The following MROH1 variants were observed in gnomAD, a reference collection of about 807,000 sequenced individuals.
The protein encoded by MROH1 is maestro heat like repeat family member 1.
In MROH1, 117 loss-of-function variants were observed where a neutral mutation model predicts 116.5. The observed-to-expected ratio is 1.00, with a 90% confidence interval of 0.86 to 1.17. The LOEUF (loss-of-function observed/expected upper bound fraction) is 1.17, where lower values mean the gene tolerates loss of function less well. Among genes scored for constraint, MROH1 ranks in the 50% most tolerant of loss-of-function variants. MROH1 has a pLI of 0.00. For synonymous variants in MROH1, 921 were observed against 583.9 expected (o/e 1.58, Z -8.32); for missense variants, 1,873 against 1,338.5 (o/e 1.40, Z -6.23).
chr8:144,173,292 G>C (rs146648425), intron 4 of MROH1, among the ~76,000 whole-genome samples: 1 of 151,798 alleles, frequency 6.6e-6, no homozygotes, highest in Non-Finnish European at 1.5e-5. Context: ...AGTTTTAGTA[G>C]AGATTGGGTT....
intron 4 of MROH1, 82 bp downstream of exon 4, chr8:144,168,522 G>A (rs1279770794): frequency 1.3e-6 from 2 of 1,503,934 alleles, no homozygotes; most frequent in Non-Finnish European, 1.8e-6. Context: ...AGACAGTCCA[G>A]CCAGGAGCAG....
chr8:144,200,331 T>C, intron 11 of MROH1, 97 bp from the exon 12 acceptor site: 1 of 965,892 alleles, frequency 1.0e-6, no homozygotes, highest in East Asian at 2.7e-5. Context: ...ACAGCAACTC[T>C]CCTCTGGCTC....
chr8:144,229,267 C>T (rs1241061070), intron 14 of MROH1, among the ~76,000 whole-genome samples: 6 of 152,126 alleles, frequency 3.9e-5, no homozygotes, highest in Admixed American at 6.6e-5. Context: ...ATCACAAATG[C>T]TCTTCATGGT....
chr8:144,254,047 C>T (rs1192019805), intron 33 of MROH1, among the ~76,000 whole-genome samples: 1 of 152,148 alleles, frequency 6.6e-6, no homozygotes, highest in Non-Finnish European at 1.5e-5. Context: ...GCCATTGTTT[C>T]CTCTGCCTCT....
At chr8:144,221,706 T>C (rs1836780126) in intron 13 of MROH1, among the ~76,000 whole-genome samples, 3 of 152,050 alleles carry the variant, frequency 2.0e-5, no homozygotes, top group Admixed American at 6.6e-5. Context: ...TTTTGGTCCT[T>C]TTGGACACCA....
intron 10 of MROH1, among the ~76,000 whole-genome samples, chr8:144,195,195 T>TAAA (rs561902621): frequency 0.021 from 242 of 11,682 alleles, 64 homozygotes; most frequent in Non-Finnish European, 0.027. Flanking sequence ...ACTGTGTCTT[T>TAAA]AAAAAAAAAA....
intron 32 of MROH1, among the ~76,000 whole-genome samples, chr8:144,249,852 CA>C (rs1280661697): frequency 4.6e-5 from 7 of 152,214 alleles, no homozygotes; most frequent in African/African-American, 1.7e-4. Context: ...GTGGGCCTGC[CA>C]GGGGAGCCTG....
intron 18 of MROH1, among the ~76,000 whole-genome samples, 168 bp downstream of exon 18, chr8:144,239,923 C>T (rs1840682025): frequency 6.6e-6 from 1 of 152,112 alleles, no homozygotes; most frequent in Admixed American, 6.5e-5. Flanking sequence ...CAAGAAAGGC[C>T]CCAGATGACC....
intron 9 of MROH1, among the ~76,000 whole-genome samples, 182 bp from the exon 10 acceptor site, chr8:144,192,127 C>G (rs530212750): frequency 6.6e-6 from 1 of 152,254 alleles, no homozygotes; most frequent in South Asian, 2.1e-4. Flanking sequence ...CCCTCCCCAC[C>G]CTCCTCCCTG....
At chr8:144,173,423 ATT>A (rs374807019) in intron 4 of MROH1, among the ~76,000 whole-genome samples, 10 of 10,924 alleles carry the variant, frequency 9.2e-4, no homozygotes, top group African/African-American at 2.5e-3. Flanking sequence ...TTTTATTTTT[ATT>A]TTATTTTTTT....
rs367590354 is a variant in MROH1 at position 144,165,125 on chromosome 8, A to ATTT, written c.22+1289_22+1291dup. 1.0e-3 allele frequency among the ~76,000 whole-genome samples: 151 copies of ATTT among 145,920 alleles called. 1 individual carries two copies. The highest frequency in any genetic ancestry group is 6.9e-3 in the Middle Eastern group (2 of 288). On this transcript the variant is annotated intron_variant, in intron 3 of 43. Coordinates refer to ENST00000326134, the MANE Select transcript of MROH1 (RefSeq NM_032450.3). ...AGGCATGTGCCATCACACCCAGCTA[A>ATTT]TTTTTTTTTTTTTTGAGATGGAGTC...
intron 18 of MROH1, 123 bp from the exon 19 acceptor site, chr8:144,239,978 T>TGGGGGGCA: frequency 1.4e-6 from 1 of 710,350 alleles, no homozygotes; most frequent in Admixed American, 2.0e-5. Context: ...TGGGAGCAGG[T>TGGGGGGCA]GGGGGGCAGC....
At chr8:144,218,481 T>G (rs1382925367) in intron 12 of MROH1, among the ~76,000 whole-genome samples, 1 of 151,828 alleles carries the variant, frequency 6.6e-6, no homozygotes, top group Non-Finnish European at 1.5e-5. Context: ...TTGAGATTTT[T>G]TTTCACATCT....
At chr8:144,249,458 G>A (rs1050780735) in intron 32 of MROH1, among the ~76,000 whole-genome samples, 2 of 152,130 alleles carry the variant, frequency 1.3e-5, no homozygotes, top group Non-Finnish European at 2.9e-5. Context: ...TTCCAGCTGT[G>A]CAGTAAGCAT....
chr8:144,203,964 T>C (rs1832270523), intron 12 of MROH1, among the ~76,000 whole-genome samples: 1 of 152,226 alleles, frequency 6.6e-6, no homozygotes, highest in African/African-American at 2.4e-5. Context: ...TCATTTTCCT[T>C]GAAGTTCTTT....
intron 43 of MROH1, 91 bp downstream of exon 43, chr8:144,261,440 T>G (rs1056181218): frequency 1.7e-5 from 12 of 699,668 alleles, no homozygotes; most frequent in Non-Finnish European, 2.9e-5. Flanking sequence ...ATTTCAGGAC[T>G]TTTTCCCTGT....
rs554277334 is a variant in MROH1, at chr8:144,180,691, G to C, written c.562+168G>C. Among the ~76,000 whole-genome samples the C allele has an allele frequency of 6.6e-6, 1 of 152,172 alleles. No individual in the cohort carries two copies. The highest frequency in any genetic ancestry group is 1.5e-5 in the Non-Finnish European group (1 of 68,008). On this transcript the variant is annotated intron_variant, in intron 7 of 43. Coordinates refer to ENST00000326134, the MANE Select transcript of MROH1 (RefSeq NM_032450.3). The surrounding 1 kb of genome is among the most constrained non-coding windows in gnomAD (Gnocchi z 7.4). The stretch of plus-strand genomic sequence containing the variant: ...GCTGCTGGCTGGTTGGGGGGCCCAT[G>C]TGGGGCTGACACAGCCTCTGTCTCT...
At chr8:144,185,150 C>T (rs1034909463) in intron 7 of MROH1, among the ~76,000 whole-genome samples, 27 of 152,192 alleles carry the variant, frequency 1.8e-4, no homozygotes, top group Admixed American at 7.9e-4. Context: ...TGCAGTGTGT[C>T]GCTCCTGCAG....
intron 13 of MROH1, 38 bp downstream of exon 13, chr8:144,220,711 C>T (rs372487278): frequency 3.1e-5 from 47 of 1,530,642 alleles, no homozygotes; most frequent in Non-Finnish European, 2.7e-6. Flanking sequence ...CACCACCACA[C>T]CACAGGCAGC....
Sources: gnomAD v4.1 joint callset for allele counts (sites outside exome capture counted in the v4.1 genomes callset) on GRCh38, gnomAD v4.1.1 for gene constraint, Gnocchi (gnomAD v3.1) non-coding constraint, MANE v1.5 for transcripts, NCBI Gene and HGNC (gene_info 2026-07-23, HGNC 2026-07-21) for gene names.